Variants in FAM174B observed in about 807,000 individuals in gnomAD.
FAM174B encodes family with sequence similarity 174 member B, also known as membrane protein FAM174B.
Under a neutral mutation model 10.9 loss-of-function variants are expected in FAM174B, and 12 were observed. The ratio of observed to expected loss-of-function variants is 1.10; its 90% CI spans 0.71 to 1.79. The LOEUF (loss-of-function observed/expected upper bound fraction) is 1.79, where lower values mean the gene tolerates loss of function less well. Ranked by LOEUF, FAM174B falls within the 40% of genes most tolerant of loss-of-function variation. FAM174B has a pLI of 0.00. For synonymous variants in FAM174B, 132 were observed against 115.8 expected (o/e 1.14, Z -0.90); for missense variants, 266 against 233.3 (o/e 1.14, Z -0.91).
intron 1 of FAM174B, among the ~76,000 whole-genome samples, chr15:92,648,284 T>C (rs1396428733): frequency 6.6e-6 from 1 of 152,144 alleles, no homozygotes; most frequent in East Asian, 1.9e-4. Context: ...CCTCTTTAAA[T>C]ATTTGTAGAG....
chr15:92,631,314 ATAATATTATATATAATATATT>A (rs1567045280), intron 1 of FAM174B, among the ~76,000 whole-genome samples: 154 of 1,922 alleles, frequency 0.08, 64 homozygotes, highest in African/African-American at 0.14. Context: ...TATATTATAT[ATAATATTATATATAATATATT>A]ATATATTATA....
chr15:92,655,709 C>A lies in FAM174B; in HGVS notation c.-50G>T. On this transcript the variant is annotated 5_prime_UTR_variant, in exon 1 of 3. Coordinates refer to ENST00000327355, the MANE Select transcript of FAM174B (RefSeq NM_207446.3). ...GGGCAGGGCGCGCGCGGCTGAGCTC[C>A]AGGATCCGCACCAGCACGGAGGCCT... 1 of 1,222,788 alleles carries A rather than the reference C, an allele frequency of 8.2e-7. No homozygotes were observed. Among genetic ancestry groups the A allele is most frequent in the South Asian group, 3.8e-5 (1 of 26,146 alleles). The allele number at this position is 1,222,788 out of a possible 1,614,324, so 75.7% of individuals were successfully genotyped here.
At chr15:92,622,816 C>T (rs1235798311) in intron 2 of FAM174B, among the ~76,000 whole-genome samples, 1 of 152,232 alleles carries the variant, frequency 6.6e-6, no homozygotes, top group East Asian at 1.9e-4. Flanking sequence ...TGGCTGCCCA[C>T]AGCACCCTGT....
rs908643612 is a variant in FAM174B, at chr15:92,617,821, A to T, written c.*1635T>A. 3 of 503,916 alleles carry T rather than the reference A, an allele frequency of 6.0e-6. No individual in the cohort carries two copies. The highest frequency in any genetic ancestry group is 1.0e-5 in the Non-Finnish European group (3 of 287,494). The allele number at this position is 503,916 out of a possible 1,614,324, so 31.2% of individuals were successfully genotyped here. On this transcript the variant is annotated 3_prime_UTR_variant, in exon 3 of 3. Coordinates refer to ENST00000327355, the MANE Select transcript of FAM174B (RefSeq NM_207446.3). ...AACAGATGGGGGAAAACAGAGAAGG[A>T]AAGTCAACAAAGAAGGTGAAATGCA...
chr15:92,647,089 G>C (rs1292369759), intron 1 of FAM174B, among the ~76,000 whole-genome samples: 2 of 152,178 alleles, frequency 1.3e-5, no homozygotes, highest in African/African-American at 4.8e-5. Flanking sequence ...ACCACTCATA[G>C]GAGTGAGGAA....
At chr15:92,641,821 A>G (rs2050893952) in intron 1 of FAM174B, among the ~76,000 whole-genome samples, 1 of 152,214 alleles carries the variant, frequency 6.6e-6, no homozygotes, top group South Asian at 2.1e-4. Flanking sequence ...AATTGGACTC[A>G]TCAAAATTTA....
chr15:92,633,218 C>G (rs939889494), intron 1 of FAM174B, among the ~76,000 whole-genome samples: 6 of 152,152 alleles, frequency 3.9e-5, no homozygotes, highest in African/African-American at 1.4e-4. Flanking sequence ...AAGACACACG[C>G]GAGATCTCTT....
chr15:92,652,701 G>C (rs1261814302), intron 1 of FAM174B, among the ~76,000 whole-genome samples: 1 of 152,208 alleles, frequency 6.6e-6, no homozygotes, highest in Non-Finnish European at 1.5e-5. Context: ...GCGGCAGGTG[G>C]CGAAGCTTCA....
At chr15:92,619,752 T>C (rs1160023009) in intron 2 of FAM174B, 2 of 483,682 alleles carry the variant, frequency 4.1e-6, no homozygotes, top group Admixed American at 7.2e-5. Flanking sequence ...TCCAGGGTGT[T>C]TACACTAGGG....
intron 2 of FAM174B, among the ~76,000 whole-genome samples, chr15:92,627,644 C>G (rs2050761835): frequency 6.6e-6 from 1 of 152,212 alleles, no homozygotes; most frequent in Admixed American, 6.5e-5. Context: ...AAAAATAGTT[C>G]TGTCTATCAT....
intron 1 of FAM174B, among the ~76,000 whole-genome samples, chr15:92,630,597 G>A (rs1249593071): frequency 4.6e-5 from 7 of 151,606 alleles, no homozygotes; most frequent in Non-Finnish European, 8.8e-5. Context: ...TCAAGTGAGT[G>A]ACCGACCTCG....
Position 92,619,048 on chromosome 15 carries a change from TACAC to T in FAM174B, c.*404_*407del. 1 of 608,404 alleles carries T rather than the reference TACAC, an allele frequency of 1.6e-6. No homozygotes were observed. The highest frequency in any genetic ancestry group is 2.9e-6 in the Non-Finnish European group (1 of 342,912). The allele number at this position is 608,404 out of a possible 1,614,324, so 37.7% of individuals were successfully genotyped here. On this transcript the variant is annotated 3_prime_UTR_variant, in exon 3 of 3. Transcript: ENST00000327355. ...AGAGAAGAATGTCGGAAATTCTAAA[TACAC>T]AGTTGGACATCCTTCAGGCTTGTTT...
At chr15:92,623,560 T>G (rs1866173) in intron 2 of FAM174B, among the ~76,000 whole-genome samples, 82,513 of 152,038 alleles carry the variant, frequency 0.54, 22,427 homozygotes, top group Admixed American at 0.56. Context: ...CCCAACTTGC[T>G]TCTGGCCCAT....
intron 1 of FAM174B, among the ~76,000 whole-genome samples, chr15:92,640,267 A>G (rs997704187): frequency 6.6e-6 from 1 of 152,166 alleles, no homozygotes; most frequent in African/African-American, 2.4e-5. Context: ...GTCAAGGTAA[A>G]TAGGCGGGGA....
chr15:92,625,817 T>TA (rs1158804388), intron 2 of FAM174B, among the ~76,000 whole-genome samples: 1 of 152,228 alleles, frequency 6.6e-6, no homozygotes, highest in African/African-American at 2.4e-5. Context: ...CAGCACTACT[T>TA]AGTCTTTCCG....
At chr15:92,635,801 G>A (rs978614918) in intron 1 of FAM174B, among the ~76,000 whole-genome samples, 2 of 151,982 alleles carry the variant, frequency 1.3e-5, no homozygotes, top group Admixed American at 1.3e-4. Flanking sequence ...AACTAGTCTT[G>A]AACTCCTGAC....
At chr15:92,628,338 C>CT (rs35251307) in intron 2 of FAM174B, among the ~76,000 whole-genome samples, 94 of 84,912 alleles carry the variant, frequency 1.1e-3, no homozygotes, top group Non-Finnish European at 1.5e-3. Flanking sequence ...CTAATTTTTG[C>CT]TTTTTTTTTT....
At chr15:92,636,172 G>A (rs1189783141) in intron 1 of FAM174B, among the ~76,000 whole-genome samples, 2 of 152,084 alleles carry the variant, frequency 1.3e-5, no homozygotes, top group African/African-American at 4.8e-5. Context: ...CATAAGGCTG[G>A]GCACAGTGGC....
chr15:92,630,685 T>A (rs1216447243), intron 1 of FAM174B, among the ~76,000 whole-genome samples: 1 of 144,872 alleles, frequency 6.9e-6, no homozygotes, highest in Admixed American at 7.1e-5. Flanking sequence ...AAATGCAATA[T>A]ATATTTTATA....
Sources: gnomAD v4.1 joint callset for allele counts (sites outside exome capture counted in the v4.1 genomes callset) on GRCh38, gnomAD v4.1.1 for gene constraint, MANE v1.5 for transcripts, NCBI Gene and HGNC (gene_info 2026-07-23, HGNC 2026-07-21) for gene names.